ANKS1B: variants seen among roughly 807,000 people sequenced by gnomAD.
ANKS1B encodes ankyrin repeat and sterile alpha motif domain-containing protein 1B.
A neutral mutation model predicts 148.3 loss-of-function variants in ANKS1B; 36 were observed. The observed-to-expected ratio is 0.24, with a 90% CI of 0.19 to 0.32. The LOEUF (loss-of-function observed/expected upper bound fraction) is 0.32, where lower values mean the gene tolerates loss of function less well. Among genes scored for constraint, ANKS1B ranks in the 10% least tolerant of loss-of-function variants. ANKS1B has a pLI of 1.00. For missense variants in ANKS1B, 1,157 were observed against 1,542.6 expected, an observed-to-expected ratio of 0.75 and a Z score of 4.19; for synonymous variants, 542 against 560.8, an observed-to-expected ratio of 0.97 and a Z score of 0.47.
chr12:99,580,082 C>T (rs1397715576), intron 9 of ANKS1B, among the ~76,000 whole-genome samples: 1 of 152,062 alleles, frequency 6.6e-6, no homozygotes, highest in Non-Finnish European at 1.5e-5. Flanking sequence ...TTATTCTAAG[C>T]AAATTAACAT....
intron 12 of ANKS1B, among the ~76,000 whole-genome samples, chr12:99,254,458 C>T (rs532010892): frequency 1.2e-3 from 182 of 152,230 alleles, no homozygotes; most frequent in African/African-American, 4.2e-3. Context: ...TATGTGATGC[C>T]TCTTTCTATC....
intron 9 of ANKS1B, among the ~76,000 whole-genome samples, chr12:99,625,021 T>TA: frequency 6.6e-6 from 1 of 152,090 alleles, no homozygotes; most frequent in South Asian, 2.1e-4. Flanking sequence ...GTAAATTTGA[T>TA]AAATAAAATG....
At chr12:99,421,832 T>G (rs1594478348) in intron 11 of ANKS1B, among the ~76,000 whole-genome samples, 1 of 152,070 alleles carries the variant, frequency 6.6e-6, no homozygotes, top group Non-Finnish European at 1.5e-5. Flanking sequence ...GGTGACTGGG[T>G]CAATGGGGCA....
intron 12 of ANKS1B, among the ~76,000 whole-genome samples, chr12:99,356,158 C>G (rs922551174): frequency 5.3e-5 from 8 of 152,038 alleles, no homozygotes; most frequent in African/African-American, 1.9e-4. Context: ...TATAGATGCC[C>G]AACGAAGACG....
intron 10 of ANKS1B, among the ~76,000 whole-genome samples, chr12:99,462,787 T>A (rs1452685477): frequency 6.6e-6 from 1 of 152,238 alleles, no homozygotes; most frequent in African/African-American, 2.4e-5. Flanking sequence ...CCCTCATGAA[T>A]GGCCTGGTGC....
chr12:99,048,279 A>G (rs2099963741), intron 17 of ANKS1B, among the ~76,000 whole-genome samples: 1 of 152,206 alleles, frequency 6.6e-6, no homozygotes, highest in Non-Finnish European at 1.5e-5. Flanking sequence ...TTAGAACACA[A>G]TTTTCCTTTC....
At chr12:99,399,185 A>G (rs1341878087) in intron 12 of ANKS1B, among the ~76,000 whole-genome samples, 1 of 152,074 alleles carries the variant, frequency 6.6e-6, no homozygotes, top group East Asian at 1.9e-4. Context: ...TTCTCCCCCA[A>G]CACACTTCCT....
intron 17 of ANKS1B, chr12:98,894,692 G>C (rs980112996): frequency 2.4e-5 from 24 of 985,604 alleles, no homozygotes; most frequent in Non-Finnish European, 2.8e-5. Flanking sequence ...TGGCCCCCGA[G>C]GACGCAGACA....
chr12:98,993,694 G>T (rs575029856), intron 17 of ANKS1B, among the ~76,000 whole-genome samples: 1 of 152,194 alleles, frequency 6.6e-6, no homozygotes, highest in African/African-American at 2.4e-5. Flanking sequence ...CTTCATGTGT[G>T]ATATATTTTG....
intron 17 of ANKS1B, among the ~76,000 whole-genome samples, chr12:98,867,231 C>T (rs1595845594): frequency 6.6e-6 from 1 of 152,068 alleles, no homozygotes; most frequent in South Asian, 2.1e-4. Flanking sequence ...TACTCTGATC[C>T]CTCTTTAGAG....
At chr12:98,994,675 G>T (rs1306848175) in intron 17 of ANKS1B, among the ~76,000 whole-genome samples, 2 of 152,096 alleles carry the variant, frequency 1.3e-5, no homozygotes, top group East Asian at 3.9e-4. Context: ...TCAAGGTGTC[G>T]GCAGGGCTGA....
intron 15 of ANKS1B, among the ~76,000 whole-genome samples, chr12:99,134,940 C>T (rs1433716859): frequency 2.0e-5 from 3 of 151,978 alleles, no homozygotes; most frequent in African/African-American, 7.3e-5. Context: ...CAGAAAATCA[C>T]AAACTACAGT....
chr12:99,209,841 C>G lies in ANKS1B; in HGVS notation c.2419+34501G>C, dbSNP rs114832845. Among the ~76,000 whole-genome samples, 1,307 of 152,204 alleles carry G rather than the reference C, an allele frequency of 8.6e-3. 23 individuals are homozygous for G. The highest frequency in any genetic ancestry group is 0.03 in the African/African-American group (1,254 of 41,518). On this transcript the variant is annotated intron_variant, in intron 14 of 26. Transcript: ENST00000683438. ...ATCTCTGACCAAAAACATTCCAAAC[C>G]CCTTCCCGGCAAGAGACATGCCAGC... is the stretch of plus-strand genomic sequence containing the variant.
At chr12:99,696,929 AG>A (rs2054020265) in intron 8 of ANKS1B, among the ~76,000 whole-genome samples, 1 of 152,246 alleles carries the variant, frequency 6.6e-6, no homozygotes, top group African/African-American at 2.4e-5. Flanking sequence ...AGATCTTAAC[AG>A]CTACTTCACC....
At chr12:98,882,590 A>G (rs1326441892) in intron 17 of ANKS1B, among the ~76,000 whole-genome samples, 1 of 152,212 alleles carries the variant, frequency 6.6e-6, no homozygotes, top group Admixed American at 6.5e-5. Flanking sequence ...TCAAGAATGC[A>G]CAGTAAGTAA....
At chr12:99,261,471 G>A (rs2075918782) in intron 12 of ANKS1B, among the ~76,000 whole-genome samples, 1 of 151,998 alleles carries the variant, frequency 6.6e-6, no homozygotes, top group Non-Finnish European at 1.5e-5. Flanking sequence ...TTCCTTTGCT[G>A]GCCCCAGGGT....
chr12:99,063,717 G>A (rs1488873629), intron 16 of ANKS1B, among the ~76,000 whole-genome samples: 1 of 152,122 alleles, frequency 6.6e-6, no homozygotes. Context: ...AAGTGTTTTA[G>A]GTGATCTTTA....
intron 11 of ANKS1B, among the ~76,000 whole-genome samples, chr12:99,439,863 A>T (rs933783281): frequency 2.0e-5 from 3 of 151,496 alleles, no homozygotes; most frequent in Non-Finnish European, 4.4e-5. Context: ...TTCACTCATA[A>T]TGGTAAACAA....
intron 8 of ANKS1B, among the ~76,000 whole-genome samples, chr12:99,733,167 C>T (rs546227628): frequency 6.6e-6 from 1 of 152,202 alleles, no homozygotes; most frequent in Non-Finnish European, 1.5e-5. Context: ...CTTGGCCATG[C>T]GACTTGCCTT....
Sources: allele counts gnomAD v4.1 joint callset (sites outside exome capture counted in the v4.1 genomes callset), GRCh38; gene constraint gnomAD v4.1.1; transcripts MANE v1.5; gene names NCBI Gene and HGNC (gene_info 2026-07-23, HGNC 2026-07-21).